The following NRG3 variants were observed in gnomAD, a reference collection of about 807,000 sequenced individuals.
NRG3 encodes neuregulin 3.
In NRG3, 31 loss-of-function variants were observed where a neutral mutation model predicts 66.9. That is an observed-to-expected ratio of 0.46 (90% CI 0.35 to 0.63). The LOEUF is 0.63. Among genes scored for constraint, NRG3 ranks in the 20% least tolerant of loss-of-function variants. The pLI, the probability that NRG3 is intolerant of heterozygous loss-of-function variation, is 0.00. For missense variants in NRG3, 910 were observed against 878.9 expected, an observed-to-expected ratio of 1.04 and a Z score of -0.45; for synonymous variants, 393 against 359.4, an observed-to-expected ratio of 1.09 and a Z score of -1.06.
chr10:82,660,362 TCA>T (rs1354054556), intron 2 of NRG3, among the ~76,000 whole-genome samples: 3 of 152,050 alleles, frequency 2.0e-5, no homozygotes, highest in Non-Finnish European at 2.9e-5. Flanking sequence ...CCCCCTAAAT[TCA>T]CAGTTTATTG....
Position 82,964,798 on chromosome 10 carries a change from C to T in NRG3, c.1284+5723C>T, listed in dbSNP as rs186195970. ...CTAGGGTTCCAGACCAGGCGATTAT[C>T]AGCACTGTCAACATTGCTGTCCAAA... On this transcript the variant is annotated intron_variant, in intron 6 of 8. Coordinates refer to ENST00000372141, the MANE Select transcript of NRG3 (RefSeq NM_001010848.4). Among the ~76,000 whole-genome samples the T allele has an allele frequency of 2.0e-4, 30 of 152,308 alleles. 1 individual carries two copies. Among genetic ancestry groups the T allele is most frequent in the Middle Eastern group, 6.8e-3 (2 of 294 alleles).
chr10:82,142,792 G>T, intron 1 of NRG3, among the ~76,000 whole-genome samples: 1 of 119,944 alleles, frequency 8.3e-6, no homozygotes, highest in South Asian at 2.7e-4. Flanking sequence ...TTTTGAGACA[G>T]AGCAAGACTC....
chr10:82,816,370 G>A (rs891920244), intron 3 of NRG3, among the ~76,000 whole-genome samples: 8 of 152,130 alleles, frequency 5.3e-5, no homozygotes, highest in Admixed American at 2.0e-4. Context: ...GCTCCTTTCC[G>A]CAGGCAGGTC....
At chr10:82,689,668 T>A (rs1263661827) in intron 2 of NRG3, among the ~76,000 whole-genome samples, 1 of 152,236 alleles carries the variant, frequency 6.6e-6, no homozygotes, top group Non-Finnish European at 1.5e-5. Context: ...GGGAGAATAC[T>A]CAATTATGTA....
intron 2 of NRG3, among the ~76,000 whole-genome samples, chr10:82,499,685 G>A (rs916508635): frequency 6.6e-6 from 1 of 152,136 alleles, no homozygotes; most frequent in Non-Finnish European, 1.5e-5. Context: ...AGCTGAATAT[G>A]TGTGAATTGA....
At chr10:82,263,085 G>A (rs1329811864) in intron 1 of NRG3, among the ~76,000 whole-genome samples, 1 of 152,140 alleles carries the variant, frequency 6.6e-6, no homozygotes, top group Non-Finnish European at 1.5e-5. Flanking sequence ...CTAGAACAAC[G>A]TTTGTCTTGT....
At chr10:82,897,146 C>G (rs1843731871) in intron 4 of NRG3, among the ~76,000 whole-genome samples, 1 of 152,110 alleles carries the variant, frequency 6.6e-6, no homozygotes, top group Admixed American at 6.5e-5. Flanking sequence ...ACTAAATGTA[C>G]AATTGTATGA....
At chr10:82,056,465 G>A (rs527934315) in intron 1 of NRG3, among the ~76,000 whole-genome samples, 36 of 152,278 alleles carry the variant, frequency 2.4e-4, no homozygotes, top group Non-Finnish European at 5.0e-4. Flanking sequence ...ATAGAAGTGA[G>A]GGGCTAAAGA....
At chr10:81,920,106 T>C (rs1468468545) in intron 1 of NRG3, among the ~76,000 whole-genome samples, 1 of 146,342 alleles carries the variant, frequency 6.8e-6, no homozygotes, top group Non-Finnish European at 1.5e-5. Context: ...AGCTGTCTTA[T>C]GGCCTGAGGT....
In NRG3 at chr10:82,409,216, A is replaced by T. The variant is rs187136682; in HGVS notation, c.953+50348A>T. 1.6e-3 allele frequency among the ~76,000 whole-genome samples: 241 copies of T among 152,318 alleles called. 1 individual carries two copies. Among genetic ancestry groups the T allele is most frequent in the Middle Eastern group, 6.8e-3 (2 of 294 alleles). On this transcript the variant is annotated intron_variant, in intron 2 of 8. Coordinates refer to ENST00000372141, the MANE Select transcript of NRG3 (RefSeq NM_001010848.4). ...CTAAAGTAAAGCATTTCTGAATTAG[A>T]TAAGTCATTTTTATTTGTACAGAAG... is the stretch of plus-strand genomic sequence containing the variant.
chr10:82,082,895 T>G (rs1226433565), intron 1 of NRG3, among the ~76,000 whole-genome samples: 1 of 152,188 alleles, frequency 6.6e-6, no homozygotes. Flanking sequence ...TTTAAAAATT[T>G]TATTAGTCTG....
At chr10:82,852,861 C>T (rs1465247771) in intron 3 of NRG3, among the ~76,000 whole-genome samples, 1 of 152,158 alleles carries the variant, frequency 6.6e-6, no homozygotes, top group Admixed American at 6.5e-5. Flanking sequence ...GTAGTGGGAG[C>T]ATGAGGGTAA....
chr10:82,044,143 C>T (rs544665362), intron 1 of NRG3, among the ~76,000 whole-genome samples: 4 of 105,964 alleles, frequency 3.8e-5, no homozygotes, highest in South Asian at 4.8e-4. Flanking sequence ...GTGAGCTAAC[C>T]GAGAGCTTCT....
At chr10:82,426,588 C>A in intron 2 of NRG3, among the ~76,000 whole-genome samples, 1 of 142,768 alleles carries the variant, frequency 7.0e-6, no homozygotes, top group East Asian at 2.0e-4. Flanking sequence ...AGTTGAAAGT[C>A]CTCAATGGAA....
intron 1 of NRG3, among the ~76,000 whole-genome samples, chr10:82,319,852 T>C (rs950088956): frequency 2.6e-5 from 4 of 152,188 alleles, no homozygotes; most frequent in Admixed American, 2.0e-4. Context: ...TAGAGAACTG[T>C]CTGTCTGAAT....
intron 3 of NRG3, among the ~76,000 whole-genome samples, chr10:82,836,203 T>A (rs2062765848): frequency 6.6e-6 from 1 of 152,122 alleles, no homozygotes; most frequent in African/African-American, 2.4e-5. Context: ...AGTTGAACAG[T>A]TGCAATAGCA....
chr10:82,611,213 C>T (rs1035918906), intron 2 of NRG3, among the ~76,000 whole-genome samples: 4 of 151,432 alleles, frequency 2.6e-5, no homozygotes, highest in African/African-American at 4.8e-5. Context: ...GAGTTTTCAT[C>T]GAAACTGAAT....
At chr10:81,992,261 G>T (rs912774037) in intron 1 of NRG3, among the ~76,000 whole-genome samples, 5 of 152,100 alleles carry the variant, frequency 3.3e-5, no homozygotes, top group African/African-American at 7.2e-5. Context: ...TATGTGGAAA[G>T]AATGTTGGTT....
intron 2 of NRG3, among the ~76,000 whole-genome samples, chr10:82,733,023 T>C (rs889839978): frequency 1.3e-5 from 2 of 152,202 alleles, no homozygotes; most frequent in African/African-American, 2.4e-5. Context: ...GCCATTTTTT[T>C]TCCCTATGAA....
Sources: gnomAD v4.1 joint callset for allele counts (sites outside exome capture counted in the v4.1 genomes callset) on GRCh38, gnomAD v4.1.1 for gene constraint, MANE v1.5 for transcripts, NCBI Gene and HGNC (gene_info 2026-07-23, HGNC 2026-07-21) for gene names.